CCM2: variants seen among roughly 807,000 people sequenced by gnomAD.
The protein encoded by CCM2 is CCM2 scaffold protein, also known as cerebral cavernous malformations 2 protein.
In CCM2, 25 loss-of-function variants were observed where a neutral mutation model predicts 44.9. The observed-to-expected ratio is 0.56, with a 90% CI of 0.41 to 0.78. The LOEUF is 0.78. Ranked by LOEUF, CCM2 falls within the 30% of genes least tolerant of loss-of-function variation. The pLI is 0.00. For synonymous variants in CCM2, 219 were observed against 241.1 expected (o/e 0.91, Z 0.85); for missense variants, 481 against 580.6 (o/e 0.83, Z 1.76).
intron 2 of CCM2, among the ~76,000 whole-genome samples, chr7:45,055,648 A>G (rs1040254738): frequency 6.6e-6 from 1 of 152,240 alleles, no homozygotes; most frequent in Non-Finnish European, 1.5e-5. Context: ...AGATCGCACC[A>G]CTGCACTCCA....
In CCM2 at chr7:45,069,853, C is replaced by T; in HGVS notation, c.637C>T (p.Leu213=). 2 of 1,614,214 alleles carry T rather than the reference C, an allele frequency of 1.2e-6. No individual in the cohort carries two copies. Among genetic ancestry groups the T allele is most frequent in the South Asian group, 1.1e-5 (1 of 91,088 alleles). The change falls in exon 6 of 10, where the codon CTA becomes TTA. Residue 213 remains leucine (L), a synonymous_variant. Coordinates refer to ENST00000258781, the MANE Select transcript of CCM2 (RefSeq NM_031443.4). Reference sequence around the variant, plus strand: ...CGCTGCGGAGGAGCTTTGCTGTCTGCTAGGCCAGGTCTTCCAGGTTGTTTA... The same window carrying T: ...CGCTGCGGAGGAGCTTTGCTGTCTGTTAGGCCAGGTCTTCCAGGTTGTTTA... The part of the protein sequence containing the change: ...KVAAEELCCL[L]GQVFQVVYTE...
chr7:45,021,189 A>G (rs996852378), intron 1 of CCM2, among the ~76,000 whole-genome samples: 1 of 152,154 alleles, frequency 6.6e-6, no homozygotes, highest in Non-Finnish European at 1.5e-5. Flanking sequence ...CCTAGGAGTT[A>G]GAGAATGCAG....
intron 1 of CCM2, among the ~76,000 whole-genome samples, chr7:45,013,137 A>G (rs1415067758): frequency 2.0e-5 from 3 of 151,810 alleles, no homozygotes; most frequent in African/African-American, 4.8e-5. Context: ...ACTCCTCTAT[A>G]TATTGCTATA....
chr7:45,064,480 G>C lies in CCM2; in HGVS notation c.306G>C (p.Pro102=). The C allele has an allele frequency of 6.2e-7, 1 of 1,613,306 alleles. No individual in the cohort carries two copies. The highest frequency in any genetic ancestry group is 1.1e-5 in the South Asian group (1 of 91,034). Residue 102 remains proline (P), a synonymous_variant, in exon 4 of 10, where the codon CCG becomes CCC. Transcript: ENST00000258781. The part of the protein sequence containing the change: ...IDNAKRAHQL[P]GHLTQEHDAV... Reference sequence around the variant, plus strand: ...CCTTCCAGAGAGCCCACCAGCTTCCGGGACACTTGACTCAGGAGCACGATG... The same window carrying C: ...CCTTCCAGAGAGCCCACCAGCTTCCCGGACACTTGACTCAGGAGCACGATG...
chr7:45,023,897 G>A (rs1293387114), intron 1 of CCM2, among the ~76,000 whole-genome samples: 2 of 141,954 alleles, frequency 1.4e-5, no homozygotes, highest in Admixed American at 7.7e-5. Context: ...TGCAACCTCT[G>A]CCTCCCAGGT....
At chr7:45,050,917 A>C (rs1437306904) in intron 2 of CCM2, among the ~76,000 whole-genome samples, 2 of 152,196 alleles carry the variant, frequency 1.3e-5, no homozygotes, top group African/African-American at 4.8e-5. Context: ...GGGGTAGGGT[A>C]GGGCAGAGGG....
chr7:45,005,198 C>T (rs1056784593), intron 1 of CCM2, among the ~76,000 whole-genome samples: 3 of 152,158 alleles, frequency 2.0e-5, no homozygotes, highest in Non-Finnish European at 4.4e-5. Flanking sequence ...AGGTGCTCAG[C>T]AGAGAACCTA....
intron 2 of CCM2, chr7:45,043,685 T>C (rs1473880597): frequency 2.5e-6 from 1 of 394,484 alleles, no homozygotes; most frequent in African/African-American, 2.2e-5. Context: ...ATATTTAACT[T>C]TATTTTTTTC....
chr7:45,050,834 T>C (rs542941626), intron 2 of CCM2, among the ~76,000 whole-genome samples: 53 of 152,342 alleles, frequency 3.5e-4, no homozygotes, highest in South Asian at 8.3e-4. Flanking sequence ...ATTGGTTCTC[T>C]TGCAGCAGAG....
Position 45,073,459 on chromosome 7 carries a change from G to T in CCM2, c.804-1G>T. The stretch of plus-strand genomic sequence containing the variant: ...CGCTCACATACCACATTCTTTCGCA[G>T]CTGCTTCCCTGAATCTGTGGATGTG... On this transcript the variant is annotated splice_acceptor_variant, in intron 7 of 9. Transcript: ENST00000258781. LOFTEE classifies it high-confidence loss of function. The T allele has an allele frequency of 6.2e-7, 1 of 1,612,712 alleles. No homozygotes were observed. The highest frequency in any genetic ancestry group is 1.1e-5 in the South Asian group (1 of 91,058).
intron 7 of CCM2, chr7:45,073,040 A>T (rs943835607): frequency 1.9e-5 from 12 of 616,874 alleles, no homozygotes; most frequent in Non-Finnish European, 3.5e-5. Context: ...AGCTTGTAAT[A>T]GGCATGTTGG....
intron 9 of CCM2, among the ~76,000 whole-genome samples, chr7:45,075,171 C>T (rs1273581919): frequency 2.0e-5 from 3 of 152,264 alleles, no homozygotes; most frequent in Admixed American, 6.5e-5. Context: ...TCTGTCTAAG[C>T]AGTGCCTGCC....
intron 5 of CCM2, among the ~76,000 whole-genome samples, chr7:45,069,229 C>G (rs1798935167): frequency 6.6e-6 from 1 of 152,244 alleles, no homozygotes; most frequent in African/African-American, 2.4e-5. Flanking sequence ...GTTGGTGCTA[C>G]TGTCATTTTT....
At chr7:45,021,573 A>C (rs532635707) in intron 1 of CCM2, among the ~76,000 whole-genome samples, 2 of 151,522 alleles carry the variant, frequency 1.3e-5, no homozygotes, top group African/African-American at 4.8e-5. Context: ...CAAAAAAAAA[A>C]AATAAAATAA....
chr7:45,016,319 G>A (rs1268718141), intron 1 of CCM2, among the ~76,000 whole-genome samples: 1 of 152,168 alleles, frequency 6.6e-6, no homozygotes, highest in African/African-American at 2.4e-5. Flanking sequence ...GAACAGACAT[G>A]CAATTTATTT....
At chr7:45,026,783 A>C (rs1004873649) in intron 1 of CCM2, among the ~76,000 whole-genome samples, 7 of 151,844 alleles carry the variant, frequency 4.6e-5, no homozygotes, top group African/African-American at 1.7e-4. Context: ...TTCTACTTTC[A>C]GTAGAGACGG....
At chr7:45,075,705 T>G in intron 9 of CCM2, 72 bp from the exon 10 acceptor site, 1 of 1,600,580 alleles carries the variant, frequency 6.2e-7, no homozygotes, top group Non-Finnish European at 8.5e-7. Flanking sequence ...CAGGGGGCTT[T>G]GAGCCCTGAG....
chr7:45,006,473 A>G (rs140678792), intron 1 of CCM2, among the ~76,000 whole-genome samples: 2,395 of 152,036 alleles, frequency 0.016, 22 homozygotes, highest in Non-Finnish European at 0.026. Context: ...CCTCCTGAGT[A>G]GCTAGGACTA....
In CCM2 at chr7:45,068,594, C is replaced by T; in HGVS notation, c.609+15C>T. 6.2e-7 allele frequency: 1 copy of T among 1,613,662 alleles called. No homozygotes were observed. The highest frequency in any genetic ancestry group is 8.5e-7 in the Non-Finnish European group (1 of 1,179,974). The stretch of plus-strand genomic sequence containing the variant: ...CAGAGAGCAAGGTGAGACTTTCTCG[C>T]CCCACTTACTCAGAACTGGCTCCTC... On this transcript the variant is annotated intron_variant, in intron 5 of 9. Transcript: ENST00000258781.
Sources: gnomAD v4.1 joint callset for allele counts (sites outside exome capture counted in the v4.1 genomes callset) on GRCh38, gnomAD v4.1.1 for gene constraint, MANE v1.5 for transcripts, NCBI Gene and HGNC (gene_info 2026-07-23, HGNC 2026-07-21) for gene names.